Variants in AOPEP observed in about 807,000 individuals in gnomAD.
AOPEP encodes the protein aminopeptidase O.
A neutral mutation model predicts 98.1 loss-of-function variants in AOPEP; 77 were observed. That is an observed-to-expected ratio of 0.78 (90% CI 0.65 to 0.95). AOPEP has a LOEUF of 0.95. Ranked by LOEUF, AOPEP falls within the 40% of genes least tolerant of loss-of-function variation. The probability of loss-of-function intolerance (pLI) is 0.00; values close to 1 mark genes in which losing one functional copy is unlikely to be tolerated. For synonymous variants in AOPEP, 346 were observed against 365.3 expected (o/e 0.95, Z 0.60); for missense variants, 1,024 against 1,024.7 (o/e 1.00, Z 0.01).
intron 14 of AOPEP, among the ~76,000 whole-genome samples, chr9:95,068,499 A>G (rs1450011270): frequency 6.6e-6 from 1 of 152,158 alleles, no homozygotes; most frequent in Non-Finnish European, 1.5e-5. Context: ...CCTTTTGCTC[A>G]TTTTTAAATT....
rs986532455 is a variant in AOPEP, at chr9:94,900,155, A to G, written c.1365-23831A>G. Among the ~76,000 whole-genome samples the G allele has an allele frequency of 4.6e-5, 7 of 152,216 alleles. No homozygotes were observed. In the East Asian group the frequency reaches 1.4e-3, roughly 29 times the overall value. On this transcript the variant is annotated intron_variant, in intron 5 of 16. Transcript: ENST00000375315. ...CCAGACTGACTGCTGGCCGCCGCCA[A>G]CTAGCTAGCTATGTGAGCCAACCTC...
intron 13 of AOPEP, among the ~76,000 whole-genome samples, chr9:95,013,412 T>TG (rs1179577503): frequency 6.6e-6 from 1 of 151,566 alleles, no homozygotes; most frequent in African/African-American, 2.4e-5. Context: ...TATCCTTTTT[T>TG]TTTTTTTTAC....
At chr9:95,024,274 G>A (rs2063676734) in intron 13 of AOPEP, among the ~76,000 whole-genome samples, 1 of 152,194 alleles carries the variant, frequency 6.6e-6, no homozygotes, top group African/African-American at 2.4e-5. Context: ...AATGAATCAT[G>A]AGAAAAATGC....
At chr9:95,077,404 A>G (rs954671893) in intron 14 of AOPEP, among the ~76,000 whole-genome samples, 1 of 152,188 alleles carries the variant, frequency 6.6e-6, no homozygotes, top group Non-Finnish European at 1.5e-5. Context: ...TCGCCCCGCC[A>G]GGATGCTGCG....
At chr9:94,981,361 C>T (rs1281594301) in intron 11 of AOPEP, among the ~76,000 whole-genome samples, 1 of 152,162 alleles carries the variant, frequency 6.6e-6, no homozygotes, top group East Asian at 1.9e-4. Flanking sequence ...ACTGAAGAAA[C>T]CTGCTGTCAA....
chr9:94,978,108 G>A (rs1272782962), intron 10 of AOPEP, among the ~76,000 whole-genome samples: 2 of 152,064 alleles, frequency 1.3e-5, no homozygotes, highest in Non-Finnish European at 2.9e-5. Flanking sequence ...TTCCCCGTCT[G>A]CAACACCACC....
intron 7 of AOPEP, among the ~76,000 whole-genome samples, chr9:94,938,753 A>G (rs2056640293): frequency 6.6e-6 from 1 of 152,216 alleles, no homozygotes; most frequent in Non-Finnish European, 1.5e-5. Flanking sequence ...GAGGTATTTT[A>G]TGTTCCAAGA....
chr9:95,030,508 C>A (rs992693616), intron 13 of AOPEP, among the ~76,000 whole-genome samples: 2 of 152,224 alleles, frequency 1.3e-5, no homozygotes, highest in Non-Finnish European at 2.9e-5. Flanking sequence ...TAACCATCTC[C>A]TGTGTCCTGG....
chr9:95,011,150 A>C, intron 13 of AOPEP, among the ~76,000 whole-genome samples: 1 of 151,234 alleles, frequency 6.6e-6, no homozygotes, highest in East Asian at 1.9e-4. Context: ...TGTATAATTT[A>C]CTGTTAAATT....
the AOPEP span, among the ~76,000 whole-genome samples, chr9:95,098,339 TTCTGTCCTAGCTCCC>T: frequency 3.4e-5 from 3 of 87,518 alleles, no homozygotes; most frequent in Admixed American, 3.4e-4. Flanking sequence ...TAGCTCCCAT[TTCTGTCCTAGCTCCC>T]ATTTCTGTCC....
intron 5 of AOPEP, among the ~76,000 whole-genome samples, chr9:94,874,494 A>G (rs2046697545): frequency 6.6e-6 from 1 of 152,224 alleles, no homozygotes; most frequent in African/African-American, 2.4e-5. Flanking sequence ...AATCCGTGAC[A>G]CACTTAGCAG....
intron 14 of AOPEP, among the ~76,000 whole-genome samples, chr9:95,063,547 G>C (rs574463933): frequency 3.5e-4 from 54 of 152,352 alleles, no homozygotes; most frequent in African/African-American, 1.3e-3. Flanking sequence ...CATGCCTCAG[G>C]GGATGGGCTC....
At chr9:94,861,145 G>A (rs2044912886) in intron 5 of AOPEP, among the ~76,000 whole-genome samples, 1 of 152,192 alleles carries the variant, frequency 6.6e-6, no homozygotes, top group East Asian at 1.9e-4. Context: ...GCAGTTTCTG[G>A]TGGAAGCTGA....
intron 5 of AOPEP, among the ~76,000 whole-genome samples, chr9:94,858,163 A>C (rs1347759703): frequency 6.6e-6 from 1 of 151,988 alleles, no homozygotes; most frequent in East Asian, 1.9e-4. Flanking sequence ...CCGATTCCTC[A>C]ATGCTGATTC....
At chr9:94,743,235 A>AGAAGAAGAG (rs1192852454) in intron 1 of AOPEP, among the ~76,000 whole-genome samples, 9 of 141,642 alleles carry the variant, frequency 6.4e-5, no homozygotes, top group East Asian at 2.0e-4. Context: ...AAGAAGAGGA[A>AGAAGAAGAG]GAAGAAGAGG....
At chr9:95,001,878 A>G (rs1466617571) in intron 11 of AOPEP, among the ~76,000 whole-genome samples, 1 of 151,704 alleles carries the variant, frequency 6.6e-6, no homozygotes, top group Non-Finnish European at 1.5e-5. Context: ...CCCGGGCTCA[A>G]GTGATCCTCC....
chr9:94,781,346 T>A (rs1161103116), intron 3 of AOPEP, among the ~76,000 whole-genome samples: 5 of 152,036 alleles, frequency 3.3e-5, no homozygotes, highest in African/African-American at 4.8e-5. Flanking sequence ...GGAATAAATG[T>A]GTTCTTTATA....
intron 13 of AOPEP, among the ~76,000 whole-genome samples, chr9:95,055,531 C>T (rs557067003): frequency 3.3e-4 from 51 of 152,288 alleles, no homozygotes; most frequent in Non-Finnish European, 4.7e-4. Context: ...AGTTCTGTCT[C>T]GTGTCCTGTA....
At chr9:94,990,477 A>C (rs1339295012) in intron 11 of AOPEP, among the ~76,000 whole-genome samples, 2 of 152,220 alleles carry the variant, frequency 1.3e-5, no homozygotes, top group African/African-American at 4.8e-5. Context: ...CAAAGATAGC[A>C]GCTCTAGAGT....
Sources: allele counts gnomAD v4.1 joint callset (sites outside exome capture counted in the v4.1 genomes callset), GRCh38; gene constraint gnomAD v4.1.1; transcripts MANE v1.5; gene names NCBI Gene and HGNC (gene_info 2026-07-23, HGNC 2026-07-21).